The following NELFB variants were observed in gnomAD, a reference collection of about 807,000 sequenced individuals.
NELFB encodes the protein negative elongation factor B.
In NELFB, 34 loss-of-function variants were observed where a neutral mutation model predicts 60.2. That is an observed-to-expected ratio of 0.56 (90% CI 0.43 to 0.75). The LOEUF (loss-of-function observed/expected upper bound fraction) is 0.75, where lower values mean the gene tolerates loss of function less well. Among genes scored for constraint, NELFB ranks in the 30% least tolerant of loss-of-function variants. The pLI is 0.00. For synonymous variants in NELFB, 459 were observed against 382.1 expected, an observed-to-expected ratio of 1.20 and a Z score of -2.35; for missense variants, 770 against 831.6, an observed-to-expected ratio of 0.93 and a Z score of 0.91.
At chr9:137,257,273 C>G (rs965261081) in intron 4 of NELFB, among the ~76,000 whole-genome samples, 1 of 152,242 alleles carries the variant, frequency 6.6e-6, no homozygotes, top group Non-Finnish European at 1.5e-5. Context: ...GATATATGGA[C>G]AACATTTAAA....
At chr9:137,270,845 G>C (rs1461286440) in intron 10 of NELFB, among the ~76,000 whole-genome samples, 2 of 152,192 alleles carry the variant, frequency 1.3e-5, no homozygotes, top group Non-Finnish European at 2.9e-5. Context: ...CTTGAACCCG[G>C]GAGGTGGAGG....
At position 137,255,622 on chromosome 9, in the gene NELFB, C is replaced by A. The variant is rs1426421024; in HGVS notation, c.246+11C>A. 1.3e-6 allele frequency: 2 copies of A among 1,543,986 alleles called. No individual in the cohort carries two copies. Among genetic ancestry groups the A allele is most frequent in the South Asian group, 2.4e-5 (2 of 83,600 alleles). On this transcript the variant is annotated intron_variant, in intron 1 of 12. Coordinates refer to ENST00000343053, the MANE Select transcript of NELFB (RefSeq NM_015456.5). ...ATCGAGCAGTTCCAGGTGGGGCGGC[C>A]CCCGGGGCGGGGGGAGCCCAGTTGG...
In NELFB at chr9:137,256,326, C is replaced by T. The variant is rs1053605710; in HGVS notation, c.411-3C>T. Reference sequence around the variant, plus strand: ...GCACCATCAATCCTGTGAGTTGTTCCAGGTACAAGAAGCTGGAAGACCTTC... The same window carrying T: ...GCACCATCAATCCTGTGAGTTGTTCTAGGTACAAGAAGCTGGAAGACCTTC... On this transcript the variant is annotated splice_region_variant and splice_polypyrimidine_tract_variant and intron_variant, in intron 2 of 12. Coordinates refer to ENST00000343053, the MANE Select transcript of NELFB (RefSeq NM_015456.5). 2 of 1,613,488 alleles carry T rather than the reference C, an allele frequency of 1.2e-6. No individual in the cohort carries two copies. Among genetic ancestry groups the T allele is most frequent in the Non-Finnish European group, 1.7e-6 (2 of 1,179,580 alleles).
rs772903966 is a variant in NELFB at position 137,256,014 on chromosome 9, G to C, written c.354G>C (p.Arg118=). 4 of 1,613,904 alleles carry C rather than the reference G, an allele frequency of 2.5e-6. No homozygotes were observed. Among genetic ancestry groups the C allele is most frequent in the Middle Eastern group, 1.6e-4 (1 of 6,062 alleles). The stretch of plus-strand genomic sequence containing the variant: ...ACCAGTCGGTATTCGATGAGCTGCG[G>C]GACAAGCTGCTGGAGCGAGTGTCAG... The change falls in exon 2 of 13, where the codon CGG becomes CGC. Residue 118 remains arginine, a synonymous_variant. Transcript: ENST00000343053.
chr9:137,272,957 G>T lies in NELFB; in HGVS notation c.*29G>T, dbSNP rs558236148. 31 of 1,481,416 alleles carry T rather than the reference G, an allele frequency of 2.1e-5. 1 individual carries two copies. In the Admixed American group the frequency reaches 4.9e-4, roughly 23 times the overall value. The allele number at this position is 1,481,416 out of a possible 1,614,324, so 91.8% of individuals were successfully genotyped here. A position where few individuals can be genotyped will look rare whatever the true frequency, so the allele number is the denominator to read the frequency against. ...CCCTCCAGACCTGCTCGGGTGCTGGGGCCATGCCGAGTCGCGGCCCTGCTC... is the reference window on the plus strand; with the variant it reads ...CCCTCCAGACCTGCTCGGGTGCTGGTGCCATGCCGAGTCGCGGCCCTGCTC... On this transcript the variant is annotated 3_prime_UTR_variant, in exon 13 of 13. Coordinates refer to ENST00000343053, the MANE Select transcript of NELFB (RefSeq NM_015456.5).
intron 4 of NELFB, among the ~76,000 whole-genome samples, chr9:137,257,280 T>C (rs1289651778): frequency 6.6e-6 from 1 of 152,280 alleles, no homozygotes; most frequent in Non-Finnish European, 1.5e-5. Flanking sequence ...GGACAACATT[T>C]AAAATCTGCG....
At position 137,258,043 on chromosome 9, in the gene NELFB, G is replaced by A. The variant is rs972453444; in HGVS notation, c.741+989G>A. ...TGGTCTTGAACTCCTGGGCTGAAGC[G>A]ATCCTCCCACATCAGCCTTCTAAAG... On this transcript the variant is annotated intron_variant, in intron 4 of 12. Transcript: ENST00000343053. Among the ~76,000 whole-genome samples, 4 of 149,000 alleles carry A rather than the reference G, an allele frequency of 2.7e-5. No homozygotes were observed. The South Asian group carries it at 8.6e-4, about 32-fold the overall frequency.
chr9:137,270,921 A>G (rs534952011), intron 10 of NELFB, among the ~76,000 whole-genome samples: 63 of 152,400 alleles, frequency 4.1e-4, no homozygotes, highest in Non-Finnish European at 7.2e-4. Flanking sequence ...TCTTCTCAAA[A>G]AAAATAAAAA....
At chr9:137,266,558 C>A in intron 8 of NELFB, 132 bp downstream of exon 8, 1 of 793,508 alleles carries the variant, frequency 1.3e-6, no homozygotes, top group Non-Finnish European at 2.0e-6. Flanking sequence ...CTGGAGCTGC[C>A]CACCTTCCTT....
intron 4 of NELFB, among the ~76,000 whole-genome samples, chr9:137,260,145 G>A (rs1830415043): frequency 1.3e-5 from 2 of 150,890 alleles, no homozygotes; most frequent in East Asian, 1.9e-4. Context: ...CGCCTCCCGG[G>A]TTCACTCCGT....
rs1211648646 is a variant in NELFB at position 137,255,620 on chromosome 9, GC to G, written c.246+14del. The G allele has an allele frequency of 1.3e-6, 2 of 1,543,344 alleles. No individual in the cohort carries two copies. Among genetic ancestry groups the G allele is most frequent in the Admixed American group, 4.0e-5 (2 of 49,528 alleles). On this transcript the variant is annotated intron_variant, in intron 1 of 12. Transcript: ENST00000343053. ...CCATCGAGCAGTTCCAGGTGGGGCG[GC>G]CCCCGGGGCGGGGGGAGCCCAGTTG... is the stretch of plus-strand genomic sequence containing the variant.
At chr9:137,270,810 G>A (rs892362507) in intron 10 of NELFB, among the ~76,000 whole-genome samples, 2 of 151,722 alleles carry the variant, frequency 1.3e-5, no homozygotes, top group African/African-American at 4.8e-5. Context: ...AATCCCAGCT[G>A]AGGGAGGCTG....
At chr9:137,260,078 C>T (rs887135453) in intron 4 of NELFB, among the ~76,000 whole-genome samples, 4 of 147,232 alleles carry the variant, frequency 2.7e-5, no homozygotes, top group African/African-American at 5.0e-5. Context: ...GAGACAGAAT[C>T]TTGCTCTGTT....
chr9:137,256,743 G>A (rs1022640963), intron 3 of NELFB, 81 bp from the exon 4 acceptor site: 2 of 1,353,734 alleles, frequency 1.5e-6, no homozygotes, highest in Non-Finnish European at 2.1e-6. Context: ...TGGTCTCTGC[G>A]GGGCTGAGGC....
rs1837551361 is a variant in NELFB, at chr9:137,256,373, T to A, written c.455T>A (p.Val152Glu). Residue 152 changes from valine to glutamate, a missense_variant, in exon 3 of 13, where the codon GTG (valine) becomes GAG (glutamate). By Grantham distance (121) the Val-to-Glu change is moderately radical (BLOSUM62 -2). Transcript: ENST00000343053. ...CTTCTGGAGAAGAGCTTTTCTCTGG[T>A]GAAGATGCCGTCCCTGCAGCCCGTG... 1 of 1,614,044 alleles carries A rather than the reference T, an allele frequency of 6.2e-7. No individual in the cohort carries two copies. Among genetic ancestry groups the A allele is most frequent in the Non-Finnish European group, 8.5e-7 (1 of 1,180,024 alleles).
chr9:137,262,973 T>G, intron 4 of NELFB, 64 bp from the exon 5 acceptor site: 4 of 1,567,316 alleles, frequency 2.6e-6, no homozygotes, highest in Non-Finnish European at 2.6e-6. Context: ...TCGCCGGGCG[T>G]GACGTCCCTG....
chr9:137,259,519 A>G (rs933403971), intron 4 of NELFB, among the ~76,000 whole-genome samples: 4 of 151,970 alleles, frequency 2.6e-5, no homozygotes, highest in Admixed American at 2.6e-4. Flanking sequence ...GGTGCCCTGC[A>G]TTTCCCAGGC....
chr9:137,266,458 C>T, intron 8 of NELFB, 32 bp downstream of exon 8: 2 of 1,590,168 alleles, frequency 1.3e-6, no homozygotes, highest in Middle Eastern at 1.7e-4. Context: ...CTGCCAGTTT[C>T]CTACGAGGGG....
intron 10 of NELFB, among the ~76,000 whole-genome samples, chr9:137,271,549 T>C (rs1830584371): frequency 6.6e-6 from 1 of 152,258 alleles, no homozygotes; most frequent in South Asian, 2.1e-4. Context: ...TGGGCACGAA[T>C]GCTGTCTTTG....
Sources: allele counts gnomAD v4.1 joint callset (sites outside exome capture counted in the v4.1 genomes callset), GRCh38; gene constraint gnomAD v4.1.1; transcripts MANE v1.5; gene names NCBI Gene and HGNC (gene_info 2026-07-23, HGNC 2026-07-21).